The following GSDMC variants were observed in gnomAD, a reference collection of about 807,000 sequenced individuals.
GSDMC encodes gasdermin-C.
In GSDMC, 59 loss-of-function variants were observed where a neutral mutation model predicts 58.0. That is an observed-to-expected ratio of 1.02 (90% confidence interval 0.82 to 1.26). GSDMC has a LOEUF of 1.26. Ranked by LOEUF, GSDMC falls within the 50% of genes most tolerant of loss-of-function variation. GSDMC has a pLI of 0.00. For synonymous variants in GSDMC, 241 were observed against 220.2 expected, an observed-to-expected ratio of 1.09 and a Z score of -0.83; for missense variants, 659 against 598.5, an observed-to-expected ratio of 1.10 and a Z score of -1.06.
At chr8:129,752,260 T>C in intron 7 of GSDMC, 113 bp from the exon 8 acceptor site, 1 of 807,014 alleles carries the variant, frequency 1.2e-6, no homozygotes, top group Middle Eastern at 2.3e-4. Context: ...CTCCCCTTAT[T>C]TCTCACATGT....
chr8:129,777,620 T>C lies in GSDMC; in HGVS notation c.-4-29A>G, dbSNP rs746142703. ...GGAGGAGATGAAAGGAGAGCATCAG[T>C]TGGGAGAGGAAGAAAATGGTTAAAC... On this transcript the variant is annotated intron_variant, in intron 1 of 13. Transcript: ENST00000276708. 7 of 1,181,044 alleles carry C rather than the reference T, an allele frequency of 5.9e-6. No homozygotes were observed. The African/African-American group carries it at 1.0e-4, about 18-fold the overall frequency. The allele number at this position is 1,181,044 out of a possible 1,614,324, so 73.2% of individuals were successfully genotyped here.
intron 3 of GSDMC, among the ~76,000 whole-genome samples, chr8:129,773,612 C>A (rs1483158582): frequency 6.6e-6 from 1 of 151,872 alleles, no homozygotes; most frequent in Non-Finnish European, 1.5e-5. Flanking sequence ...TGGCAAAACC[C>A]CATCTCTACT....
At chr8:129,782,686 A>G (rs2034448659) in intron 1 of GSDMC, among the ~76,000 whole-genome samples, 1 of 152,154 alleles carries the variant, frequency 6.6e-6, no homozygotes, top group Admixed American at 6.5e-5. Flanking sequence ...GTACAGATCA[A>G]TAACAAGTAA....
downstream of GSDMC, among the ~76,000 whole-genome samples, chr8:129,744,386 T>C (rs1023657731): frequency 1.3e-5 from 2 of 152,184 alleles, no homozygotes; most frequent in Non-Finnish European, 2.9e-5. Context: ...TATCTGAAGG[T>C]TGATGTCTGC....
chr8:129,714,212 T>C, the GSDMC span, among the ~76,000 whole-genome samples: 1 of 152,148 alleles, frequency 6.6e-6, no homozygotes, highest in East Asian at 1.9e-4. Flanking sequence ...CAGGTAAAGG[T>C]TGGATCCACT....
At chr8:129,711,856 C>T in the GSDMC span, among the ~76,000 whole-genome samples, 19 of 152,208 alleles carry the variant, frequency 1.2e-4, no homozygotes, top group Non-Finnish European at 2.4e-4. Context: ...AGAGACCAAG[C>T]AGCTTATCCA....
the GSDMC span, among the ~76,000 whole-genome samples, chr8:129,739,608 G>A: frequency 2.6e-4 from 40 of 152,264 alleles, no homozygotes; most frequent in African/African-American, 7.7e-4. Flanking sequence ...GCCTGCTGAC[G>A]TTGTAGCTGT....
the GSDMC span, among the ~76,000 whole-genome samples, chr8:129,728,456 C>A: frequency 1.3e-5 from 2 of 152,210 alleles, no homozygotes; most frequent in Non-Finnish European, 2.9e-5. Flanking sequence ...TCCAGCTCCA[C>A]ACCTAGCCAC....
the GSDMC span, among the ~76,000 whole-genome samples, chr8:129,714,338 T>C: frequency 2.0e-5 from 3 of 152,200 alleles, no homozygotes; most frequent in Non-Finnish European, 4.4e-5. Context: ...TAAATCTTTA[T>C]TCAATGAGTA....
chr8:129,717,659 G>C, the GSDMC span, among the ~76,000 whole-genome samples: 1 of 151,808 alleles, frequency 6.6e-6, no homozygotes, highest in Admixed American at 6.6e-5. Context: ...CACAGAATTA[G>C]AAAAAAACTA....
In GSDMC at chr8:129,760,571, T is replaced by A. The variant is rs933934327; in HGVS notation, c.695A>T (p.Asp232Val). The part of the protein sequence containing the change: ...IKEKAILISD[D>V]DEQRTFQDEY... ...ATCTTGAAAGGTTCTCTGTTCATCATCATCTGAGATGAGAATGGCTGAATG... is the reference window on the plus strand; with the variant it reads ...ATCTTGAAAGGTTCTCTGTTCATCAACATCTGAGATGAGAATGGCTGAATG... Residue 232 changes from aspartate (D) to valine (V), a missense_variant, in exon 6 of 14, where the codon GAT becomes GTT. Coordinates refer to ENST00000276708, the MANE Select transcript of GSDMC (RefSeq NM_031415.3). The A allele has an allele frequency of 5.0e-6, 8 of 1,597,696 alleles. No homozygotes were observed. In the African/African-American group the frequency reaches 5.4e-5, roughly 11 times the overall value.
At chr8:129,753,704 C>G (rs567383714) in intron 6 of GSDMC, among the ~76,000 whole-genome samples, 1 of 152,312 alleles carries the variant, frequency 6.6e-6, no homozygotes, top group African/African-American at 2.4e-5. Flanking sequence ...TTGGGGCCCT[C>G]AAGACCAGGC....
intron 6 of GSDMC, among the ~76,000 whole-genome samples, chr8:129,757,263 C>T (rs1231235814): frequency 2.6e-5 from 4 of 151,834 alleles, no homozygotes; most frequent in Admixed American, 1.3e-4. Flanking sequence ...TTAGTGGCTA[C>T]TATGAACAAC....
At position 129,767,173 on chromosome 8, in the gene GSDMC, A is replaced by T. The variant is rs575658862; in HGVS notation, c.405-1380T>A. ...GAGCCCAACCTAAGTTCCTTGTGAG[A>T]CAGGAAAGCCAGCCAGCAACCCTGC... On this transcript the variant is annotated intron_variant, in intron 3 of 13. Coordinates refer to ENST00000276708, the MANE Select transcript of GSDMC (RefSeq NM_031415.3). Among the ~76,000 whole-genome samples, 55 of 152,208 alleles carry T rather than the reference A, an allele frequency of 3.6e-4. 1 individual carries two copies. The South Asian group carries it at 0.011, about 32-fold the overall frequency.
the GSDMC span, among the ~76,000 whole-genome samples, chr8:129,723,495 T>A: frequency 2.0e-4 from 30 of 150,052 alleles, no homozygotes; most frequent in Admixed American, 1.9e-3. Context: ...CTCGAACTCC[T>A]GACCTCATGA....
chr8:129,748,674 G>T lies in GSDMC; in HGVS notation c.1354C>A (p.Leu452Ile), dbSNP rs1195655500. The T allele has an allele frequency of 1.2e-6, 2 of 1,607,152 alleles. No homozygotes were observed. Among genetic ancestry groups the T allele is most frequent in the African/African-American group, 2.7e-5 (2 of 74,530 alleles). Residue 452 changes from leucine (L) to isoleucine (I), a missense_variant, in exon 14 of 14, where the codon CTC (leucine) becomes ATC (isoleucine). Physicochemically the swap from Leu to Ile is conservative, Grantham distance 5. Transcript: ENST00000276708. ...CCCTCACTCTGGAGTGGGGCGAGGA[G>T]CTCAGGTTTGAGGGTGAAGGGAATG... ...WSIPFTLKPELLAPLQSEGLA... is the reference protein window; with the variant it reads ...WSIPFTLKPEILAPLQSEGLA...
At chr8:129,776,549 A>G (rs956650068) in intron 2 of GSDMC, among the ~76,000 whole-genome samples, 1 of 152,154 alleles carries the variant, frequency 6.6e-6, no homozygotes, top group African/African-American at 2.4e-5. Flanking sequence ...TCAAATGTAC[A>G]GTGTCCAGAA....
chr8:129,721,582 T>A, the GSDMC span, among the ~76,000 whole-genome samples: 1 of 138,976 alleles, frequency 7.2e-6, no homozygotes, highest in South Asian at 2.4e-4. Flanking sequence ...AAATTCCAAC[T>A]CAAATTACCT....
At chr8:129,775,272 T>A (rs2034186060) in intron 3 of GSDMC, among the ~76,000 whole-genome samples, 1 of 152,198 alleles carries the variant, frequency 6.6e-6, no homozygotes, top group Admixed American at 6.5e-5. Context: ...ACAACATGGA[T>A]AAACCTTGAT....
Sources: gnomAD v4.1 joint callset for allele counts (sites outside exome capture counted in the v4.1 genomes callset) on GRCh38, gnomAD v4.1.1 for gene constraint, MANE v1.5 for transcripts, NCBI Gene and HGNC (gene_info 2026-07-23, HGNC 2026-07-21) for gene names.